The following GFPT1 variants were observed in gnomAD, a reference collection of about 807,000 sequenced individuals.
GFPT1 encodes the protein glutamine--fructose-6-phosphate transaminase 1.
GFPT1 carries 40 observed loss-of-function variants against 92.0 expected under a neutral mutation model. That is an observed-to-expected ratio of 0.43 (90% CI 0.34 to 0.57). The LOEUF (loss-of-function observed/expected upper bound fraction) is 0.57, where lower values mean the gene tolerates loss of function less well. Among genes scored for constraint, GFPT1 ranks in the 20% least tolerant of loss-of-function variants. The pLI, the probability that GFPT1 is intolerant of heterozygous loss-of-function variation, is 0.02. For synonymous variants in GFPT1, 269 were observed against 280.6 expected (o/e 0.96, Z 0.41); for missense variants, 448 against 869.1 (o/e 0.52, Z 6.09).
At chr2:69,361,534 T>C (rs936000564) in intron 4 of GFPT1, among the ~76,000 whole-genome samples, 1 of 151,874 alleles carries the variant, frequency 6.6e-6, no homozygotes, top group Non-Finnish European at 1.5e-5. Context: ...AGCCAAATTC[T>C]CAAAACATAA....
chr2:69,329,825 A>G (rs1156884872), intron 15 of GFPT1, 27 bp from the exon 16 acceptor site: 1 of 1,122,124 alleles, frequency 8.9e-7, no homozygotes, highest in Admixed American at 1.7e-5. Context: ...AAGCAGGACA[A>G]TTAGTTGCAG....
intron 3 of GFPT1, among the ~76,000 whole-genome samples, chr2:69,366,560 T>C (rs767431731): frequency 2.0e-5 from 3 of 152,206 alleles, no homozygotes; most frequent in Non-Finnish European, 4.4e-5. Flanking sequence ...CTAAGAAACA[T>C]GTATCCAAGT....
chr2:69,343,569 G>A (rs993081908), intron 12 of GFPT1, among the ~76,000 whole-genome samples: 27 of 151,848 alleles, frequency 1.8e-4, no homozygotes, highest in African/African-American at 6.0e-4. Flanking sequence ...GAGCCACCAC[G>A]CCCAGCTAAT....
chr2:69,339,021 T>C (rs1477748259), intron 13 of GFPT1, among the ~76,000 whole-genome samples: 1 of 152,176 alleles, frequency 6.6e-6, no homozygotes, highest in East Asian at 1.9e-4. Flanking sequence ...CCTGACCTCA[T>C]GATCTGCTCG....
rs1184515355 is a variant in GFPT1 at position 69,380,725 on chromosome 2, GCT to G, written c.7+6338_7+6339del. 4.6e-5 allele frequency among the ~76,000 whole-genome samples: 7 copies of G among 152,208 alleles called. No individual in the cohort carries two copies. The East Asian group carries it at 1.4e-3, about 29-fold the overall frequency. On this transcript the variant is annotated intron_variant, in intron 1 of 19. Coordinates refer to ENST00000357308, the MANE Select transcript of GFPT1 (RefSeq NM_001244710.2). ...AAGTCAAACCCTCTGGGTCCACTGTGCTCTGACTCCTAGTCTCTGAGCATCTC... is the reference window on the plus strand; with the variant it reads ...AAGTCAAACCCTCTGGGTCCACTGTGCTGACTCCTAGTCTCTGAGCATCTC...
chr2:69,329,732 T>C lies in GFPT1; in HGVS notation c.1549A>G (p.Met517Val), dbSNP rs1318351732. The C allele has an allele frequency of 1.2e-6, 2 of 1,613,624 alleles. No homozygotes were observed. Among genetic ancestry groups the C allele is most frequent in the Non-Finnish European group, 1.7e-6 (2 of 1,179,544 alleles). The stretch of plus-strand genomic sequence containing the variant: ...ATGATCTCTTTGCGTCTTTCTTGCA[T>C]GGAGATCCGATCATCACACATCATA... ...ALMMCDDRIS[M>V]QERRKEIMLG... is the part of the protein sequence containing the mutation. Residue 517 changes from methionine (M) to valine (V), a missense_variant, in exon 16 of 20, where the codon ATG (methionine) becomes GTG (valine). Around this residue, in one of 7 missense-constraint regions of GFPT1, gnomAD observed 73 missense variants for 103.5 expected, o/e 0.71. Transcript: ENST00000357308.
At chr2:69,375,501 T>C (rs6546509) in intron 1 of GFPT1, among the ~76,000 whole-genome samples, 99,345 of 152,008 alleles carry the variant, frequency 0.65, 33,730 homozygotes, top group African/African-American at 0.85. Context: ...TTTTCTCAAA[T>C]AAATTATTAT....
chr2:69,345,496 G>A (rs1671061852), intron 12 of GFPT1, among the ~76,000 whole-genome samples: 1 of 152,154 alleles, frequency 6.6e-6, no homozygotes, highest in African/African-American at 2.4e-5. Context: ...TACACAGTGG[G>A]TGACCTACAC....
chr2:69,352,091 G>A (rs1049203933), intron 9 of GFPT1, among the ~76,000 whole-genome samples: 2 of 151,266 alleles, frequency 1.3e-5, no homozygotes, highest in Non-Finnish European at 2.9e-5. Context: ...GTGAAACCTC[G>A]TCTCTACTAA....
In GFPT1 at chr2:69,327,028, C is replaced by T; in HGVS notation, c.1941G>A (p.Lys647=). Residue 647 remains lysine, a synonymous_variant, in exon 19 of 20, where the codon AAG becomes AAA. Transcript: ENST00000357308. The part of the protein sequence containing the change: ...ICDKEDTETI[K]NTKRTIKVPH... The stretch of plus-strand genomic sequence containing the variant: ...GCACCTTGATCGTTCTTTTTGTGTT[C>T]TTAATGGTCTCAGTATCCTCCTTAT... 6.2e-7 allele frequency: 1 copy of T among 1,614,122 alleles called. No individual in the cohort carries two copies. The highest frequency in any genetic ancestry group is 1.7e-4 in the Middle Eastern group (1 of 6,060).
rs1184958584 is a variant in GFPT1, at chr2:69,321,097, C to T, written c.*5092G>A. On this transcript the variant is annotated 3_prime_UTR_variant, in exon 20 of 20. Transcript: ENST00000357308. ...AACAGAGAGCCAGATATTACAGAAACTTTAGATTGTCTTGCTACTCACTGA... is the reference window on the plus strand; with the variant it reads ...AACAGAGAGCCAGATATTACAGAAATTTTAGATTGTCTTGCTACTCACTGA... 1 of 152,222 alleles carries T rather than the reference C, an allele frequency of 6.6e-6. No homozygotes were observed. 9.4% of individuals were successfully genotyped at this position (152,222 alleles called of 1,614,324 possible). A position where few individuals can be genotyped will look rare whatever the true frequency, so the allele number is the denominator to read the frequency against.
chr2:69,383,446 GA>G (rs1202876703), intron 1 of GFPT1, among the ~76,000 whole-genome samples: 3 of 152,074 alleles, frequency 2.0e-5, no homozygotes, highest in Non-Finnish European at 4.4e-5. Context: ...CTGGTTTTAT[GA>G]CCAATCCTAG....
intron 9 of GFPT1, 55 bp from the exon 10 acceptor site, chr2:69,350,238 T>C (rs1010418985): frequency 2.5e-5 from 27 of 1,069,828 alleles, no homozygotes; most frequent in African/African-American, 2.5e-4. Context: ...ATGTCCAATG[T>C]AGAAATATGC....
chr2:69,353,565 C>A (rs764913704), intron 9 of GFPT1, among the ~76,000 whole-genome samples: 2 of 151,776 alleles, frequency 1.3e-5, no homozygotes, highest in South Asian at 4.2e-4. Flanking sequence ...TGATGGCACA[C>A]GCTTGTAGTA....
chr2:69,358,981 C>CA (rs779845019), intron 5 of GFPT1, among the ~76,000 whole-genome samples: 41 of 152,314 alleles, frequency 2.7e-4, no homozygotes, highest in South Asian at 8.3e-4. Context: ...TAAAGCATGA[C>CA]AATCTCTCAG....
intron 12 of GFPT1, among the ~76,000 whole-genome samples, chr2:69,342,750 G>A (rs1023981625): frequency 1.3e-5 from 2 of 152,114 alleles, no homozygotes; most frequent in African/African-American, 2.4e-5. Flanking sequence ...TAGGAATGGT[G>A]AATTTTATTA....
At chr2:69,376,144 A>G (rs1359702215) in intron 1 of GFPT1, among the ~76,000 whole-genome samples, 1 of 152,262 alleles carries the variant, frequency 6.6e-6, no homozygotes, top group Non-Finnish European at 1.5e-5. Context: ...ACAGATAACT[A>G]TCAATTAAGT....
intron 1 of GFPT1, among the ~76,000 whole-genome samples, chr2:69,382,900 T>C (rs1418748698): frequency 6.6e-6 from 1 of 152,214 alleles, no homozygotes; most frequent in Admixed American, 6.5e-5. Context: ...GACATGGCAA[T>C]GAACAAGGAC....
At chr2:69,350,862 G>A (rs1041073758) in intron 9 of GFPT1, among the ~76,000 whole-genome samples, 31 of 148,358 alleles carry the variant, frequency 2.1e-4, no homozygotes, top group Non-Finnish European at 1.6e-4. Flanking sequence ...GAAATCACAC[G>A]CCATTGTACT....
Sources: allele counts gnomAD v4.1 joint callset (sites outside exome capture counted in the v4.1 genomes callset), GRCh38; gene constraint gnomAD v4.1.1; regional missense constraint gnomAD v4.1.1; transcripts MANE v1.5; gene names NCBI Gene and HGNC (gene_info 2026-07-23, HGNC 2026-07-21).